GRID2: variants seen among roughly 807,000 people sequenced by gnomAD.
GRID2 encodes the protein glutamate receptor ionotropic, delta-2.
Under a neutral mutation model 114.8 loss-of-function variants are expected in GRID2, and 33 were observed. The ratio of observed to expected loss-of-function variants is 0.29; its 90% confidence interval spans 0.22 to 0.38. GRID2 has a LOEUF of 0.38. GRID2 is among the 10% of genes least tolerant of loss of function. The pLI is 1.00. For synonymous variants in GRID2, 505 were observed against 449.9 expected, an observed-to-expected ratio of 1.12 and a Z score of -1.55; for missense variants, 1,184 against 1,257.7, an observed-to-expected ratio of 0.94 and a Z score of 0.89.
intron 8 of GRID2, among the ~76,000 whole-genome samples, chr4:93,239,243 G>T (rs1223842466): frequency 6.8e-6 from 1 of 147,024 alleles, no homozygotes; most frequent in South Asian, 2.1e-4. Context: ...GATATATTTG[G>T]TAGGGAAATA....
chr4:92,487,750 GTTTTTTGT>G (rs1722963464), intron 1 of GRID2, among the ~76,000 whole-genome samples: 1 of 128,532 alleles, frequency 7.8e-6, no homozygotes, highest in South Asian at 2.4e-4. Context: ...ATTGTTGTGG[GTTTTTTGT>G]TTGTTTGTTT....
chr4:92,592,084 T>A (rs1728730287), intron 2 of GRID2, among the ~76,000 whole-genome samples: 1 of 151,996 alleles, frequency 6.6e-6, no homozygotes, highest in South Asian at 2.1e-4. Context: ...TGGAAAATCA[T>A]AACATAGAAT....
intron 1 of GRID2, among the ~76,000 whole-genome samples, chr4:92,346,452 C>T (rs1415152820): frequency 6.6e-6 from 1 of 152,058 alleles, no homozygotes; most frequent in African/African-American, 2.4e-5. Context: ...GCAGCCTTGA[C>T]CTGCCAGGCT....
chr4:93,644,889 A>G (rs989298959), intron 14 of GRID2, among the ~76,000 whole-genome samples: 1 of 152,100 alleles, frequency 6.6e-6, no homozygotes, highest in African/African-American at 2.4e-5. Flanking sequence ...AAAAAAAAAT[A>G]TGCAATGAAA....
chr4:93,163,579 T>G (rs1321607906), intron 4 of GRID2, among the ~76,000 whole-genome samples: 1 of 148,612 alleles, frequency 6.7e-6, no homozygotes, highest in African/African-American at 2.5e-5. Flanking sequence ...TTTTTTTTAA[T>G]AACAAGAAAA....
chr4:93,594,780 A>T (rs1215147981), intron 13 of GRID2, among the ~76,000 whole-genome samples: 2 of 152,154 alleles, frequency 1.3e-5, no homozygotes, highest in Non-Finnish European at 2.9e-5. Flanking sequence ...AGCCCGTCGG[A>T]AAAGCGCAGT....
chr4:93,678,492 G>A (rs920053717), intron 14 of GRID2, among the ~76,000 whole-genome samples: 2 of 151,888 alleles, frequency 1.3e-5, no homozygotes, highest in Non-Finnish European at 2.9e-5. Flanking sequence ...CACCAAAGTT[G>A]AACTGAAGGA....
intron 2 of GRID2, among the ~76,000 whole-genome samples, chr4:92,934,326 T>A (rs921067063): frequency 5.6e-4 from 85 of 151,900 alleles, no homozygotes; most frequent in African/African-American, 2.0e-3. Flanking sequence ...ATGGTTTGGC[T>A]CTCTGTCTGT....
At chr4:92,860,348 A>G (rs1744449122) in intron 2 of GRID2, among the ~76,000 whole-genome samples, 1 of 152,144 alleles carries the variant, frequency 6.6e-6, no homozygotes, top group Admixed American at 6.6e-5. Context: ...ATGTTGGTCT[A>G]TGTATAGAAT....
chr4:92,587,125 T>G (rs1448789617), intron 1 of GRID2, among the ~76,000 whole-genome samples: 1 of 151,338 alleles, frequency 6.6e-6, no homozygotes, highest in Non-Finnish European at 1.5e-5. Flanking sequence ...TGTGTGTGTG[T>G]GTGTGTGTGT....
intron 2 of GRID2, among the ~76,000 whole-genome samples, chr4:92,596,008 A>C (rs1212632050): frequency 1.3e-5 from 2 of 152,116 alleles, no homozygotes; most frequent in African/African-American, 2.4e-5. Flanking sequence ...GTGATTAAAA[A>C]ATCTGCTAAT....
At chr4:92,454,800 C>T (rs1163265024) in intron 1 of GRID2, among the ~76,000 whole-genome samples, 1 of 152,224 alleles carries the variant, frequency 6.6e-6, no homozygotes, top group Non-Finnish European at 1.5e-5. Flanking sequence ...CGCACCACTG[C>T]ACTCCAGCCT....
intron 2 of GRID2, among the ~76,000 whole-genome samples, chr4:92,631,015 A>C (rs1730782144): frequency 1.4e-5 from 2 of 145,210 alleles, no homozygotes; most frequent in South Asian, 4.3e-4. Context: ...GTATAATGAG[A>C]AAAAAAAAAA....
intron 14 of GRID2, among the ~76,000 whole-genome samples, chr4:93,720,115 C>A (rs1022929196): frequency 3.9e-5 from 6 of 152,174 alleles, no homozygotes; most frequent in Non-Finnish European, 7.4e-5. Flanking sequence ...AGAACAAAGT[C>A]CAATAGTTGG....
At chr4:93,802,410 C>CAG (rs530154753) in intron 1 of GRID2, among the ~76,000 whole-genome samples, 1 of 151,086 alleles carries the variant, frequency 6.6e-6, no homozygotes, top group Non-Finnish European at 1.5e-5. Flanking sequence ...GTGTGTGTGA[C>CAG]AGAGAGAGAG....
At chr4:93,006,203 C>T (rs1460006490) in intron 2 of GRID2, among the ~76,000 whole-genome samples, 1 of 152,006 alleles carries the variant, frequency 6.6e-6, no homozygotes, top group Non-Finnish European at 1.5e-5. Context: ...ACATTCAATA[C>T]AACAAATTTA....
At chr4:92,479,442 T>C (rs1722474449) in intron 1 of GRID2, among the ~76,000 whole-genome samples, 1 of 152,158 alleles carries the variant, frequency 6.6e-6, no homozygotes, top group Non-Finnish European at 1.5e-5. Context: ...AAAATGTGTT[T>C]ATTTGGATTT....
At chr4:93,211,921 T>C (rs1034961929) in intron 5 of GRID2, among the ~76,000 whole-genome samples, 15 of 152,242 alleles carry the variant, frequency 9.9e-5, no homozygotes, top group Non-Finnish European at 2.2e-4. Context: ...ACCCGCATAC[T>C]TATTCTCATT....
intron 8 of GRID2, among the ~76,000 whole-genome samples, chr4:93,393,956 T>C (rs1765092157): frequency 6.6e-6 from 1 of 151,990 alleles, no homozygotes; most frequent in Non-Finnish European, 1.5e-5. Flanking sequence ...AAGCTTAAAA[T>C]TAAGTTATAT....
Sources: allele counts gnomAD v4.1 joint callset (sites outside exome capture counted in the v4.1 genomes callset), GRCh38; gene constraint gnomAD v4.1.1; transcripts MANE v1.5; gene names NCBI Gene and HGNC (gene_info 2026-07-23, HGNC 2026-07-21).